TUSC7: variants seen among roughly 807,000 people sequenced by gnomAD.
TUSC7 encodes the protein tumor suppressor candidate 7.
rs148840161 is a variant in TUSC7 at position 116,716,989 on chromosome 3, C to A, written n.99-772C>A. The A allele has an allele frequency of 4.3e-3, 659 of 152,232 alleles. 6 individuals are homozygous for A. The highest frequency in any genetic ancestry group is 0.015 in the African/African-American group (629 of 41,566). 9.4% of individuals were successfully genotyped at this position (152,232 alleles called of 1,614,324 possible). A position where few individuals can be genotyped will look rare whatever the true frequency, so the allele number is the denominator to read the frequency against. ...GCCTTTGGAGACAGGTTTAATTTTA[C>A]TTCCATGTGGAAAACCTTCAAATAA... On this transcript the variant is annotated intron_variant and non_coding_transcript_variant, in intron 1 of 2. Coordinates refer to ENST00000477805, the Ensembl canonical transcript of TUSC7.
At chr3:116,713,355 G>A (rs566358997) in intron 1 of TUSC7, among the ~76,000 whole-genome samples, 1 of 152,144 alleles carries the variant, frequency 6.6e-6, no homozygotes, top group Non-Finnish European at 1.5e-5. Context: ...CAGCCCTAAG[G>A]TCATTCACTA....
intron 1 of TUSC7, chr3:116,710,211 T>G (rs575940194): frequency 6.6e-6 from 1 of 152,310 alleles, no homozygotes; most frequent in South Asian, 2.1e-4. Context: ...AAGTGTAAGA[T>G]GAAAGAGGAC....
At chr3:116,710,692 TG>T (rs2051455518) in intron 1 of TUSC7, among the ~76,000 whole-genome samples, 1 of 152,192 alleles carries the variant, frequency 6.6e-6, no homozygotes, top group Admixed American at 6.5e-5. Flanking sequence ...AAAACTAATA[TG>T]GTTGCAGAGT....
intron 1 of TUSC7, among the ~76,000 whole-genome samples, chr3:116,711,998 A>G (rs1385127747): frequency 6.6e-6 from 1 of 152,206 alleles, no homozygotes; most frequent in Non-Finnish European, 1.5e-5. Context: ...TGAATTGGTT[A>G]TTATCTGCAT....
At chr3:116,714,109 A>G (rs1453686174) in intron 1 of TUSC7, 5 of 152,172 alleles carry the variant, frequency 3.3e-5, no homozygotes, top group Non-Finnish European at 5.9e-5. Context: ...CCCACCAGGA[A>G]ACCCCCAAAG....
At chr3:116,716,171 C>T (rs2051505250) in intron 1 of TUSC7, 1 of 152,148 alleles carries the variant, frequency 6.6e-6, no homozygotes, top group Non-Finnish European at 1.5e-5. Flanking sequence ...TTAACATTTG[C>T]TTGTTTTCTC....
At chr3:116,712,844 G>A (rs1458985157) in intron 1 of TUSC7, 1 of 152,124 alleles carries the variant, frequency 6.6e-6, no homozygotes, top group Non-Finnish European at 1.5e-5. Flanking sequence ...GTGTTGACCT[G>A]CACTGAGAAA....
chr3:116,713,038 A>C (rs1249139851), intron 1 of TUSC7, among the ~76,000 whole-genome samples: 1 of 152,194 alleles, frequency 6.6e-6, no homozygotes, highest in African/African-American at 2.4e-5. Context: ...ACACACATAA[A>C]TATATCTCTA....
chr3:116,709,784 A>C (rs993818656), exon 1 of TUSC7: 1 of 152,256 alleles, frequency 6.6e-6, no homozygotes, highest in Non-Finnish European at 1.5e-5. Context: ...GTTCTGTTAC[A>C]CAAGGGGTAC....
chr3:116,716,517 A>G (rs2051509057), intron 1 of TUSC7: 1 of 152,194 alleles, frequency 6.6e-6, no homozygotes, highest in Non-Finnish European at 1.5e-5. Context: ...AAACAAGCAA[A>G]TATCTCCAGA....
intron 1 of TUSC7, among the ~76,000 whole-genome samples, chr3:116,714,513 A>C (rs2051488523): frequency 6.6e-6 from 1 of 152,262 alleles, no homozygotes; most frequent in South Asian, 2.1e-4. Context: ...AATATACTAA[A>C]CCTGAGGTAG....
At chr3:116,710,416 G>T (rs1035810541) in intron 1 of TUSC7, 2 of 152,122 alleles carry the variant, frequency 1.3e-5, no homozygotes, top group African/African-American at 4.8e-5. Flanking sequence ...TGTGGGAGAG[G>T]AGCAGGTATA....
intron 1 of TUSC7, among the ~76,000 whole-genome samples, chr3:116,713,776 G>A (rs2051482160): frequency 6.6e-6 from 1 of 152,072 alleles, no homozygotes; most frequent in Non-Finnish European, 1.5e-5. Context: ...GACCAGCCTG[G>A]CCAACATGGC....
chr3:116,711,183 C>A (rs2051460758), intron 1 of TUSC7, among the ~76,000 whole-genome samples: 1 of 152,032 alleles, frequency 6.6e-6, no homozygotes. Context: ...GTATGTAGAC[C>A]AACACAACCT....
chr3:116,711,449 T>A (rs1469802233), intron 1 of TUSC7, among the ~76,000 whole-genome samples: 1 of 152,190 alleles, frequency 6.6e-6, no homozygotes, highest in Non-Finnish European at 1.5e-5. Context: ...ATGATTATTA[T>A]TCAGGAAACC....
intron 1 of TUSC7, chr3:116,714,256 C>T (rs1281666800): frequency 6.6e-6 from 1 of 152,102 alleles, no homozygotes; most frequent in Non-Finnish European, 1.5e-5. Flanking sequence ...GAAATTTTAC[C>T]TTTCACCATG....
intron 1 of TUSC7, among the ~76,000 whole-genome samples, chr3:116,712,035 T>G (rs1243176990): frequency 6.6e-6 from 1 of 152,228 alleles, no homozygotes; most frequent in Non-Finnish European, 1.5e-5. Context: ...ATATGTTAAA[T>G]GTTTTAATTA....
chr3:116,711,265 A>T (rs1283030562), intron 1 of TUSC7, among the ~76,000 whole-genome samples: 1 of 152,170 alleles, frequency 6.6e-6, no homozygotes, highest in Non-Finnish European at 1.5e-5. Flanking sequence ...AATGCTAGAA[A>T]ACATACATGC....
intron 1 of TUSC7, chr3:116,714,005 T>A (rs1336500074): frequency 6.6e-6 from 1 of 152,120 alleles, no homozygotes; most frequent in Non-Finnish European, 1.5e-5. Flanking sequence ...AGCTAGACTA[T>A]ATTCTATGTT....
Sources: gnomAD v4.1 joint callset for allele counts (sites outside exome capture counted in the v4.1 genomes callset) on GRCh38, gnomAD v4.1.1 for gene constraint, MANE v1.5 for transcripts, NCBI Gene and HGNC (gene_info 2026-07-23, HGNC 2026-07-21) for gene names.